Variants in BCKDHB observed in about 807,000 individuals in gnomAD.
BCKDHB encodes 2-oxoisovalerate dehydrogenase subunit beta, mitochondrial.
BCKDHB carries 41 observed loss-of-function variants against 48.5 expected under a neutral mutation model. The ratio of observed to expected loss-of-function variants is 0.85; its 90% confidence interval spans 0.66 to 1.10. The LOEUF (loss-of-function observed/expected upper bound fraction) is 1.10. Among genes scored for constraint, BCKDHB ranks in the 50% least tolerant of loss-of-function variants. The pLI is 0.00. For missense variants in BCKDHB, 496 were observed against 494.2 expected (o/e 1.00, Z -0.03); for synonymous variants, 201 against 174.8 (o/e 1.15, Z -1.18).
chr6:80,107,173 C>T (rs991605732), intron 1 of BCKDHB, among the ~76,000 whole-genome samples: 4 of 151,606 alleles, frequency 2.6e-5, no homozygotes, highest in African/African-American at 7.3e-5. Context: ...AGGGGTGGTG[C>T]CCAGGGAACG....
At chr6:80,408,851 G>GT in the BCKDHB span, among the ~76,000 whole-genome samples, 2 of 147,572 alleles carry the variant, frequency 1.4e-5, no homozygotes, top group Non-Finnish European at 3.0e-5. Context: ...TTTTTGAAGG[G>GT]TTTTTTGTGT....
At chr6:80,463,998 C>T in the BCKDHB span, among the ~76,000 whole-genome samples, 2 of 152,140 alleles carry the variant, frequency 1.3e-5, no homozygotes, top group African/African-American at 4.8e-5. Flanking sequence ...TCCTTCAAAG[C>T]ACAGTCTCTG....
the BCKDHB span, chr6:80,443,680 A>T: frequency 6.6e-6 from 1 of 151,954 alleles, no homozygotes; most frequent in South Asian, 2.1e-4. Context: ...TTATTTATAT[A>T]TTTTTTAACT....
At chr6:80,342,618 G>GA (rs144720293) in intron 9 of BCKDHB, among the ~76,000 whole-genome samples, 2,125 of 129,414 alleles carry the variant, frequency 0.016, 21 homozygotes, top group Non-Finnish European at 0.024. Context: ...GGAAAGGGAA[G>GA]AAAAAAACGA....
chr6:80,220,318 T>TTG (rs1775366623), intron 8 of BCKDHB, among the ~76,000 whole-genome samples: 2 of 148,850 alleles, frequency 1.3e-5, no homozygotes, highest in African/African-American at 4.9e-5. Context: ...TTTTTTTTTT[T>TTG]TTGTCATGTA....
chr6:80,127,702 A>G, intron 2 of BCKDHB, 78 bp downstream of exon 2: 2 of 1,275,066 alleles, frequency 1.6e-6, no homozygotes, highest in Non-Finnish European at 2.3e-6. Flanking sequence ...ATTTATGTGG[A>G]GCTCAATGGT....
At chr6:80,436,818 G>C in the BCKDHB span, among the ~76,000 whole-genome samples, 1 of 152,172 alleles carries the variant, frequency 6.6e-6, no homozygotes, top group African/African-American at 2.4e-5. Flanking sequence ...ATGCCTGACA[G>C]CATGATTGCT....
At chr6:80,398,723 C>A in the BCKDHB span, among the ~76,000 whole-genome samples, 1 of 151,576 alleles carries the variant, frequency 6.6e-6, no homozygotes, top group African/African-American at 2.4e-5. Context: ...AGGGATGACT[C>A]CTACCCAACT....
the BCKDHB span, among the ~76,000 whole-genome samples, chr6:80,399,658 T>A: frequency 6.6e-6 from 1 of 152,298 alleles, no homozygotes; most frequent in South Asian, 2.1e-4. Flanking sequence ...ATCATTATAA[T>A]GGCAATACTG....
chr6:80,321,899 C>T (rs16891670), intron 9 of BCKDHB, among the ~76,000 whole-genome samples: 3,012 of 152,238 alleles, frequency 0.02, 90 homozygotes, highest in African/African-American at 0.069. Context: ...AATGTGTTTT[C>T]TGACTTCATA....
intron 8 of BCKDHB, among the ~76,000 whole-genome samples, chr6:80,229,088 A>G (rs922586898): frequency 6.6e-6 from 1 of 152,198 alleles, no homozygotes; most frequent in Non-Finnish European, 1.5e-5. Flanking sequence ...CATTTAACAG[A>G]TACTCAGTGA....
the BCKDHB span, among the ~76,000 whole-genome samples, chr6:80,406,065 A>G: frequency 3.3e-5 from 5 of 152,094 alleles, no homozygotes; most frequent in Admixed American, 3.3e-4. Context: ...TATGAATGAG[A>G]ACGTGCAGTG....
chr6:80,106,655 T>G (rs977405969), upstream of BCKDHB: 8 of 1,542,210 alleles, frequency 5.2e-6, no homozygotes, highest in South Asian at 4.8e-5. Flanking sequence ...GCAGGCGGCG[T>G]GCGGCTGCAT....
the BCKDHB span, among the ~76,000 whole-genome samples, chr6:80,460,358 C>A: frequency 6.6e-6 from 1 of 152,066 alleles, no homozygotes; most frequent in African/African-American, 2.4e-5. Context: ...CTGAACAAAA[C>A]AAATACTAAT....
chr6:80,418,965 C>A, the BCKDHB span, among the ~76,000 whole-genome samples: 4 of 152,164 alleles, frequency 2.6e-5, no homozygotes, highest in African/African-American at 9.7e-5. Context: ...GGTCCGAGTG[C>A]CTTCTCTGTG....
At chr6:80,169,904 G>T in intron 5 of BCKDHB, 1 of 1,561,234 alleles carries the variant, frequency 6.4e-7, no homozygotes, top group Admixed American at 2.0e-5. Flanking sequence ...CCATGTGCGA[G>T]GCAAGTTATT....
intron 3 of BCKDHB, among the ~76,000 whole-genome samples, chr6:80,167,077 T>A (rs1256632947): frequency 6.6e-6 from 1 of 152,212 alleles, no homozygotes; most frequent in Non-Finnish European, 1.5e-5. Context: ...TAGATAAGTA[T>A]AGATTTAGAA....
At chr6:80,402,483 T>A in the BCKDHB span, among the ~76,000 whole-genome samples, 3 of 151,834 alleles carry the variant, frequency 2.0e-5, no homozygotes, top group Non-Finnish European at 4.4e-5. Context: ...TTGGGTTGTA[T>A]GACTTCCATA....
the BCKDHB span, among the ~76,000 whole-genome samples, chr6:80,363,105 T>C: frequency 2.6e-5 from 4 of 152,190 alleles, no homozygotes; most frequent in Admixed American, 2.6e-4. Flanking sequence ...CAAATGGTAA[T>C]TATTCTCTAC....
Sources: allele counts gnomAD v4.1 joint callset (sites outside exome capture counted in the v4.1 genomes callset), GRCh38; gene constraint gnomAD v4.1.1; transcripts MANE v1.5; gene names NCBI Gene and HGNC (gene_info 2026-07-23, HGNC 2026-07-21).